PPP1R9B: variants seen among roughly 807,000 people sequenced by gnomAD.
The protein encoded by PPP1R9B is neurabin-2.
A neutral mutation model predicts 75.8 loss-of-function variants in PPP1R9B; 17 were observed. That is an observed-to-expected ratio of 0.22 (90% confidence interval 0.15 to 0.34). The LOEUF is 0.34. PPP1R9B is among the 10% of genes least tolerant of loss of function. The pLI is 1.00. For missense variants in PPP1R9B, 875 were observed against 1,196.0 expected (o/e 0.73, Z 3.96); for synonymous variants, 509 against 535.4 (o/e 0.95, Z 0.68).
At chr17:50,145,475 A>G (rs1912490250) in intron 1 of PPP1R9B, among the ~76,000 whole-genome samples, 1 of 152,124 alleles carries the variant, frequency 6.6e-6, no homozygotes, top group South Asian at 2.1e-4. Flanking sequence ...GCAGACCCGC[A>G]CTGCTATTCT....
At chr17:50,141,454 C>A in intron 3 of PPP1R9B, 81 bp from the exon 4 acceptor site, 1 of 855,260 alleles carries the variant, frequency 1.2e-6, no homozygotes, top group Non-Finnish European at 1.8e-6. Context: ...TCAGAAACTC[C>A]AGGCTCCCCA....
intron 1 of PPP1R9B, among the ~76,000 whole-genome samples, chr17:50,146,724 C>T (rs1912526551): frequency 6.6e-6 from 1 of 152,236 alleles, no homozygotes; most frequent in African/African-American, 2.4e-5. Flanking sequence ...ACCCCTCGAA[C>T]AAACAGGCTG....
chr17:50,140,893 G>A (rs775093136), intron 4 of PPP1R9B, among the ~76,000 whole-genome samples: 10 of 152,132 alleles, frequency 6.6e-5, no homozygotes, highest in Non-Finnish European at 1.5e-4. Context: ...AGGGCTGGTC[G>A]GGGTGGGGGG....
In PPP1R9B at chr17:50,136,243, G is replaced by A. The variant is rs375518830; in HGVS notation, c.2074-46C>T. ...CCTGGGTTGGTGGGGGCCAGCAGGA[G>A]CCAAAGGGTACCCCCATCCTAGCAC... On this transcript the variant is annotated intron_variant, in intron 7 of 9. Coordinates refer to ENST00000612501, the MANE Select transcript of PPP1R9B (RefSeq NM_032595.5). The A allele has an allele frequency of 7.2e-6, 11 of 1,528,236 alleles. No individual in the cohort carries two copies. The African/African-American group carries it at 1.2e-4, about 17-fold the overall frequency. The allele number at this position is 1,528,236 out of a possible 1,614,324, so 94.7% of individuals were successfully genotyped here. A position where few individuals can be genotyped will look rare whatever the true frequency, so the allele number is the denominator to read the frequency against.
In PPP1R9B at chr17:50,150,136, G is replaced by A. The variant is rs1189664626; in HGVS notation, c.378C>T (p.Ser126=). The A allele has an allele frequency of 1.4e-6, 2 of 1,431,498 alleles. No homozygotes were observed. The highest frequency in any genetic ancestry group is 2.8e-5 in the South Asian group (2 of 71,364). The allele number at this position is 1,431,498 out of a possible 1,614,324, so 88.7% of individuals were successfully genotyped here. A position where few individuals can be genotyped will look rare whatever the true frequency, so the allele number is the denominator to read the frequency against. The stretch of plus-strand genomic sequence containing the variant: ...CAGGCTGCGCGGAGGGCGCGGGCTT[G>A]GAGTCGAAGCGGCTCACGCGCTCCG... ...SVSERVSRFD[S]KPAPSAQPAP... is the part of the protein sequence containing the mutation. Residue 126 remains serine, a synonymous_variant, in exon 1 of 10, where the codon TCC becomes TCT. Transcript: ENST00000612501. This position sits in a 1 kb window ranked among gnomAD's most constrained non-coding sequence, Gnocchi z 8.7.
At chr17:50,136,739 G>C (rs183092052) in intron 7 of PPP1R9B, among the ~76,000 whole-genome samples, 1 of 151,076 alleles carries the variant, frequency 6.6e-6, no homozygotes, top group African/African-American at 2.4e-5. Context: ...GCTCAGTTCC[G>C]GATCCTCTGT....
intron 2 of PPP1R9B, among the ~76,000 whole-genome samples, 161 bp from the exon 3 acceptor site, chr17:50,143,879 A>G (rs1912450484): frequency 6.6e-6 from 1 of 152,230 alleles, no homozygotes; most frequent in African/African-American, 2.4e-5. Context: ...CGTCTTTGCC[A>G]AGTCTACTAG....
intron 1 of PPP1R9B, among the ~76,000 whole-genome samples, chr17:50,145,486 C>T (rs1912490419): frequency 6.6e-6 from 1 of 152,190 alleles, no homozygotes; most frequent in Non-Finnish European, 1.5e-5. Context: ...CTGCTATTCT[C>T]TCTGTAGCTC....
At position 50,149,879 on chromosome 17, in the gene PPP1R9B, C is replaced by A; in HGVS notation, c.635G>T (p.Ser212Ile). ...CGAGTCGGCCTTCTCGAAGACGGCG[C>A]TGAGCTGGCTGACCGTGGGGGACAC... ...DAVSPTVSQL[S>I]AVFEKADSRT... Residue 212 changes from serine (S) to isoleucine (I), a missense_variant, in exon 1 of 10, where the codon AGC becomes ATC. By Grantham distance (142) the Ser-to-Ile change is moderately radical. Coordinates refer to ENST00000612501, the MANE Select transcript of PPP1R9B (RefSeq NM_032595.5). The surrounding 1 kb of genome is among the most constrained non-coding windows in gnomAD (Gnocchi z 7.2). The A allele has an allele frequency of 6.7e-7, 1 of 1,500,946 alleles. No individual in the cohort carries two copies. Among genetic ancestry groups the A allele is most frequent in the Non-Finnish European group, 8.8e-7 (1 of 1,132,192 alleles). 93.0% of individuals were successfully genotyped at this position (1,500,946 alleles called of 1,614,324 possible). A position where few individuals can be genotyped will look rare whatever the true frequency, so the allele number is the denominator to read the frequency against.
In PPP1R9B at chr17:50,149,232, C is replaced by A. The variant is rs764746064; in HGVS notation, c.1282G>T (p.Glu428Ter). ...CCCGGGATCTCCACGCACCCCGACT[C>A]GGGCTCGTAGGGGGGCTCCCCATCC... ...EEDGEPPYEP[E>*]SGCVEIPGLS... The change falls in exon 1 of 10, where the codon GAG becomes TAG. Residue 428 changes from glutamate to a stop codon, truncating the protein, a stop_gained. Transcript: ENST00000612501. LOFTEE classifies it high-confidence loss of function. The surrounding 1 kb of genome is among the most constrained non-coding windows in gnomAD (Gnocchi z 7.2). The A allele has an allele frequency of 1.4e-5, 22 of 1,610,878 alleles. No homozygotes were observed. The East Asian group carries it at 4.9e-4, about 36-fold the overall frequency.
intron 1 of PPP1R9B, among the ~76,000 whole-genome samples, chr17:50,148,041 T>C (rs1220326838): frequency 6.6e-6 from 1 of 151,110 alleles, no homozygotes; most frequent in Admixed American, 6.6e-5. Flanking sequence ...TGGGGCCGGG[T>C]GCAGCTGAGC....
Position 50,135,623 on chromosome 17 carries a change from G to C in PPP1R9B, c.2330C>G (p.Thr777Ser). Residue 777 changes from threonine (T) to serine (S), a missense_variant, in exon 9 of 10, where the codon ACT (threonine) becomes AGT (serine). By Grantham distance (58) the Thr-to-Ser change is moderately conservative. This residue lies in a region of PPP1R9B where 218 missense variants were observed against 334.6 expected (regional missense o/e 0.65). Coordinates refer to ENST00000612501, the MANE Select transcript of PPP1R9B (RefSeq NM_032595.5). ...CTCCTCCAGAACCCGACGCTGTGCA[G>C]TCTCCTTTTTCAGGAACTCGATCTC... ...QKEIEFLKKE[T>S]AQRRVLEESE... 1 of 1,610,062 alleles carries C rather than the reference G, an allele frequency of 6.2e-7. No homozygotes were observed. Among genetic ancestry groups the C allele is most frequent in the South Asian group, 1.1e-5 (1 of 90,208 alleles).
intron 4 of PPP1R9B, among the ~76,000 whole-genome samples, chr17:50,140,704 TC>T (rs1228212675): frequency 6.6e-6 from 1 of 152,112 alleles, no homozygotes; most frequent in Non-Finnish European, 1.5e-5. Context: ...CAGCCCCTCC[TC>T]CCGGTGGCCA....
Position 50,149,842 on chromosome 17 carries a change from G to A in PPP1R9B, c.672C>T (p.Leu224=), listed in dbSNP as rs991077166. 1 of 1,475,342 alleles carries A rather than the reference G, an allele frequency of 6.8e-7. No individual in the cohort carries two copies. The highest frequency in any genetic ancestry group is 8.9e-7 in the Non-Finnish European group (1 of 1,118,622). 91.4% of individuals were successfully genotyped at this position (1,475,342 alleles called of 1,614,324 possible). A position where few individuals can be genotyped will look rare whatever the true frequency, so the allele number is the denominator to read the frequency against. Residue 224 remains leucine, a synonymous_variant, in exon 1 of 10, where the codon CTC becomes CTT. Coordinates refer to ENST00000612501, the MANE Select transcript of PPP1R9B (RefSeq NM_032595.5). The surrounding 1 kb of genome is among the most constrained non-coding windows in gnomAD (Gnocchi z 7.2). ...VFEKADSRTG[L]HRGPGLPRAA... The stretch of plus-strand genomic sequence containing the variant: ...CCCTGGGGAGCCCGGGCCCGCGGTG[G>A]AGGCCGGTCCTCGAGTCGGCCTTCT...
chr17:50,148,893 G>GGC (rs1912591849), intron 1 of PPP1R9B, among the ~76,000 whole-genome samples: 1 of 152,228 alleles, frequency 6.6e-6, no homozygotes, highest in Non-Finnish European at 1.5e-5. Flanking sequence ...GGAGCGGCGG[G>GGC]GCGGGGCAGC....
rs773092546 is a variant in PPP1R9B, at chr17:50,149,579, T to G, written c.935A>C (p.Glu312Ala). 6.3e-7 allele frequency: 1 copy of G among 1,577,230 alleles called. No individual in the cohort carries two copies. The highest frequency in any genetic ancestry group is 1.8e-5 in the Admixed American group (1 of 56,876). Residue 312 changes from glutamate to alanine, a missense_variant, in exon 1 of 10, where the codon GAG becomes GCG. Transcript: ENST00000612501. The surrounding 1 kb of genome is among the most constrained non-coding windows in gnomAD (Gnocchi z 7.2). Reference protein sequence around the residue: ...EVEESGESEAESAPGEVIQAE... With the variant: ...EVEESGESEAASAPGEVIQAE... Reference sequence around the variant, plus strand: ...CTGGATCACCTCCCCGGGCGCCGACTCGGCCTCCGACTCCCCGCTCTCCTC... The same window carrying G: ...CTGGATCACCTCCCCGGGCGCCGACGCGGCCTCCGACTCCCCGCTCTCCTC...
chr17:50,148,945 C>G (rs895979942), intron 1 of PPP1R9B, among the ~76,000 whole-genome samples, 198 bp downstream of exon 1: 1 of 152,078 alleles, frequency 6.6e-6, no homozygotes, highest in African/African-American at 2.4e-5. Context: ...GGCCACCCCC[C>G]TCGCACACCT....
intron 1 of PPP1R9B, among the ~76,000 whole-genome samples, chr17:50,147,643 A>C (rs1912549083): frequency 6.6e-6 from 1 of 152,152 alleles, no homozygotes; most frequent in Admixed American, 6.5e-5. Flanking sequence ...GACTTCTCGC[A>C]AAATTAGTGG....
Position 50,149,144 on chromosome 17 carries a change from T to G in PPP1R9B, c.1370A>C (p.Gln457Pro). Residue 457 changes from glutamine to proline, a missense_variant and splice_region_variant, in exon 1 of 10, where the codon CAA becomes CCA. This residue lies in a region of PPP1R9B where 63 missense variants were observed against 160.2 expected (regional missense o/e 0.39). Transcript: ENST00000612501. The surrounding 1 kb of genome is among the most constrained non-coding windows in gnomAD (Gnocchi z 7.2). ...GGCAGGGCGGGGGGGCTCACTTACT[T>G]GGATGGGCGCCGTGCTGAAATGGAT... ...RKIHFSTAPI[Q>P]VFSTYSNEDY... 1 of 1,462,592 alleles carries G rather than the reference T, an allele frequency of 6.8e-7. No homozygotes were observed. The highest frequency in any genetic ancestry group is 9.1e-7 in the Non-Finnish European group (1 of 1,103,380). 90.6% of individuals were successfully genotyped at this position (1,462,592 alleles called of 1,614,324 possible).
Sources: allele counts gnomAD v4.1 joint callset (sites outside exome capture counted in the v4.1 genomes callset), GRCh38; gene constraint gnomAD v4.1.1; regional missense constraint gnomAD v4.1.1; non-coding constraint Gnocchi (gnomAD v3.1); transcripts MANE v1.5; gene names NCBI Gene and HGNC (gene_info 2026-07-23, HGNC 2026-07-21).